FGF12: variants seen among roughly 807,000 people sequenced by gnomAD.
FGF12 encodes the protein fibroblast growth factor 12B.
In FGF12, 14 loss-of-function variants were observed where a neutral mutation model predicts 23.6. The ratio of observed to expected loss-of-function variants is 0.59; its 90% CI spans 0.39 to 0.93. The LOEUF is 0.93. Among genes scored for constraint, FGF12 ranks in the 40% least tolerant of loss-of-function variants. FGF12 has a pLI of 0.00. For missense variants in FGF12, 175 were observed against 217.8 expected, an observed-to-expected ratio of 0.80 and a Z score of 1.24; for synonymous variants, 62 against 77.3, an observed-to-expected ratio of 0.80 and a Z score of 1.04.
At chr3:192,299,645 C>T (rs1715230892) in intron 4 of FGF12, among the ~76,000 whole-genome samples, 3 of 152,098 alleles carry the variant, frequency 2.0e-5, no homozygotes. Context: ...TAGTGTTGTT[C>T]CCAAAAGAAT....
chr3:192,572,630 A>G (rs1417873723), intron 2 of FGF12, among the ~76,000 whole-genome samples: 2 of 152,234 alleles, frequency 1.3e-5, no homozygotes, highest in African/African-American at 4.8e-5. Flanking sequence ...TTTTATGCAC[A>G]GACAAATACC....
At chr3:192,350,039 T>A (rs1718146519) in intron 3 of FGF12, among the ~76,000 whole-genome samples, 1 of 152,170 alleles carries the variant, frequency 6.6e-6, no homozygotes, top group Non-Finnish European at 1.5e-5. Flanking sequence ...GATTATACTA[T>A]TGCTACTATC....
rs923906010 is a variant in FGF12 at position 192,605,998 on chromosome 3, C to T, written c.13+121183G>A. Among the ~76,000 whole-genome samples the T allele has an allele frequency of 2.6e-5, 4 of 152,174 alleles. No homozygotes were observed. In the South Asian group the frequency reaches 8.3e-4, roughly 32 times the overall value. On this transcript the variant is annotated intron_variant, in intron 2 of 5. Coordinates refer to ENST00000445105, the MANE Select transcript of FGF12 (RefSeq NM_004113.6). ...AACTTAAAAGAGAACTACCATTCAA[C>T]CCAGCAATCCCCATTACTGGGTATA... is the stretch of plus-strand genomic sequence containing the variant.
chr3:192,706,653 C>T (rs76033765), intron 2 of FGF12, among the ~76,000 whole-genome samples: 7,568 of 152,138 alleles, frequency 0.05, 329 homozygotes, highest in East Asian at 0.2. Context: ...GAATCCCCGC[C>T]GCAAGAACCC....
At chr3:192,543,576 G>A (rs890063038) in intron 2 of FGF12, among the ~76,000 whole-genome samples, 11 of 151,986 alleles carry the variant, frequency 7.2e-5, no homozygotes, top group African/African-American at 2.4e-4. Flanking sequence ...TCAAGCAGAC[G>A]GAGTCTCTCC....
intron 4 of FGF12, among the ~76,000 whole-genome samples, chr3:192,310,487 GA>G (rs1715876938): frequency 6.6e-6 from 1 of 152,092 alleles, no homozygotes; most frequent in Non-Finnish European, 1.5e-5. Flanking sequence ...AAATACTTAT[GA>G]GGAAGTAATA....
chr3:192,429,128 G>A (rs1721776064), intron 2 of FGF12, among the ~76,000 whole-genome samples: 1 of 152,150 alleles, frequency 6.6e-6, no homozygotes, highest in South Asian at 2.1e-4. Context: ...AATTAATATT[G>A]AGTTGAAATA....
intron 4 of FGF12, among the ~76,000 whole-genome samples, chr3:192,195,162 G>T (rs886672691): frequency 6.6e-6 from 1 of 152,160 alleles, no homozygotes; most frequent in South Asian, 2.1e-4. Context: ...TTTGAAGTGG[G>T]AACAAAACAA....
chr3:192,528,472 G>A (rs1452951228), intron 2 of FGF12, among the ~76,000 whole-genome samples: 1 of 152,142 alleles, frequency 6.6e-6, no homozygotes, highest in African/African-American at 2.4e-5. Flanking sequence ...CTGGTGTTGT[G>A]TGTCTGCAGC....
intron 2 of FGF12, among the ~76,000 whole-genome samples, chr3:192,505,653 A>G (rs1405002593): frequency 6.6e-6 from 1 of 152,228 alleles, no homozygotes; most frequent in East Asian, 1.9e-4. Context: ...TAATTATAAA[A>G]GAAACACATT....
intron 2 of FGF12, among the ~76,000 whole-genome samples, chr3:192,707,288 A>G (rs542455873): frequency 6.2e-4 from 94 of 152,316 alleles, no homozygotes; most frequent in African/African-American, 2.2e-3. Flanking sequence ...GTAACTAATG[A>G]CAAGGCTGTA....
chr3:192,514,957 G>A lies in FGF12; in HGVS notation c.14-154419C>T, dbSNP rs1016768278. ...ACGCGGAAGTGCCGGTCCGCCGGGG[G>A]CAGCCCTCCGAGAGCCCGAGGCGCT... On this transcript the variant is annotated intron_variant, in intron 2 of 5. Coordinates refer to ENST00000445105, the MANE Select transcript of FGF12 (RefSeq NM_004113.6). The surrounding 1 kb of genome is among the most constrained non-coding windows in gnomAD (Gnocchi z 4.9). The A allele has an allele frequency of 2.9e-5, 23 of 805,602 alleles. No homozygotes were observed. The highest frequency in any genetic ancestry group is 3.5e-5 in the Non-Finnish European group (23 of 665,988). 49.9% of individuals were successfully genotyped at this position (805,602 alleles called of 1,614,324 possible).
At chr3:192,678,385 C>A (rs142092342) in intron 2 of FGF12, among the ~76,000 whole-genome samples, 1 of 152,320 alleles carries the variant, frequency 6.6e-6, no homozygotes, top group Non-Finnish European at 1.5e-5. Context: ...TGAGGGCCAC[C>A]ATTACTGTCA....
intron 5 of FGF12, among the ~76,000 whole-genome samples, chr3:192,163,555 C>T: frequency 6.6e-6 from 1 of 152,148 alleles, no homozygotes; most frequent in African/African-American, 2.4e-5. Context: ...AAATTCAGAA[C>T]ACTGCATCTC....
chr3:192,323,697 T>A (rs557902581), intron 4 of FGF12, among the ~76,000 whole-genome samples: 3 of 152,302 alleles, frequency 2.0e-5, no homozygotes, highest in African/African-American at 7.2e-5. Context: ...TAAAAGAGTA[T>A]AATTGAATTG....
intron 2 of FGF12, among the ~76,000 whole-genome samples, chr3:192,419,433 T>G (rs1179893729): frequency 6.6e-6 from 1 of 152,120 alleles, no homozygotes; most frequent in Non-Finnish European, 1.5e-5. Context: ...GAACAAGATA[T>G]CCTGTGTGTG....
At chr3:192,444,822 G>A (rs926429915) in intron 2 of FGF12, among the ~76,000 whole-genome samples, 2 of 152,226 alleles carry the variant, frequency 1.3e-5, no homozygotes, top group Non-Finnish European at 1.5e-5. Flanking sequence ...TCAGTGAAGC[G>A]AAGCCTGAAT....
At chr3:192,371,738 G>T (rs543840402) in intron 2 of FGF12, among the ~76,000 whole-genome samples, 66 of 107,554 alleles carry the variant, frequency 6.1e-4, no homozygotes, top group Non-Finnish European at 9.3e-4. Context: ...ACTATCATTG[G>T]GCTTTTTTTT....
At chr3:192,641,402 G>T (rs192358318) in intron 2 of FGF12, among the ~76,000 whole-genome samples, 2 of 41,490 alleles carry the variant, frequency 4.8e-5, no homozygotes, top group African/African-American at 9.3e-5. Flanking sequence ...ACCGCGCCCG[G>T]CCTTTTTTTT....
Sources: allele counts gnomAD v4.1 joint callset (sites outside exome capture counted in the v4.1 genomes callset), GRCh38; gene constraint gnomAD v4.1.1; non-coding constraint Gnocchi (gnomAD v3.1); transcripts MANE v1.5; gene names NCBI Gene and HGNC (gene_info 2026-07-23, HGNC 2026-07-21).